The following MAPKAP1 variants were observed in gnomAD, a reference collection of about 807,000 sequenced individuals.
MAPKAP1 encodes MAPK associated protein 1.
A neutral mutation model predicts 65.7 loss-of-function variants in MAPKAP1; 20 were observed. The observed-to-expected ratio is 0.30, with a 90% confidence interval of 0.21 to 0.44. The LOEUF (loss-of-function observed/expected upper bound fraction) is 0.44. Among genes scored for constraint, MAPKAP1 ranks in the 20% least tolerant of loss-of-function variants. MAPKAP1 has a pLI of 1.00. For synonymous variants in MAPKAP1, 222 were observed against 244.3 expected, an observed-to-expected ratio of 0.91 and a Z score of 0.85; for missense variants, 423 against 648.0, an observed-to-expected ratio of 0.65 and a Z score of 3.77.
At chr9:125,671,337 T>A (rs1343665136) in intron 2 of MAPKAP1, among the ~76,000 whole-genome samples, 1 of 152,212 alleles carries the variant, frequency 6.6e-6, no homozygotes. Flanking sequence ...AAAACTTGAA[T>A]GTGCCTTTCA....
chr9:125,527,616 T>C (rs531505769), intron 7 of MAPKAP1, among the ~76,000 whole-genome samples: 1 of 152,292 alleles, frequency 6.6e-6, no homozygotes, highest in East Asian at 1.9e-4. Context: ...CTGTGCACTC[T>C]CTCTCTCTTT....
intron 9 of MAPKAP1, among the ~76,000 whole-genome samples, chr9:125,469,952 C>CCTT (rs950678386): frequency 6.6e-6 from 1 of 152,032 alleles, no homozygotes; most frequent in African/African-American, 2.4e-5. Flanking sequence ...TGTGTGTTCC[C>CCTT]CTTCTTCTTC....
intron 5 of MAPKAP1, among the ~76,000 whole-genome samples, chr9:125,563,295 CAG>C (rs2131513794): frequency 6.6e-6 from 1 of 152,332 alleles, no homozygotes; most frequent in African/African-American, 2.4e-5. Flanking sequence ...ACAATGGAAA[CAG>C]GGGCACTTCC....
intron 5 of MAPKAP1, among the ~76,000 whole-genome samples, chr9:125,562,970 A>G (rs1027320121): frequency 3.3e-5 from 5 of 152,174 alleles, no homozygotes; most frequent in African/African-American, 9.7e-5. Context: ...CCAATCACCT[A>G]TGGAAATATG....
intron 10 of MAPKAP1, among the ~76,000 whole-genome samples, chr9:125,458,266 T>G (rs967144409): frequency 7.0e-5 from 10 of 141,988 alleles, no homozygotes; most frequent in East Asian, 4.3e-4. Context: ...TCTCGCAGAG[T>G]GGGATTTGGC....
At chr9:125,545,355 G>A (rs1830393399) in intron 6 of MAPKAP1, among the ~76,000 whole-genome samples, 1 of 152,262 alleles carries the variant, frequency 6.6e-6, no homozygotes, top group Admixed American at 6.5e-5. Context: ...CGCTAGGCCA[G>A]TGTGTGTTTG....
chr9:125,661,279 C>T (rs1454328659), intron 3 of MAPKAP1, among the ~76,000 whole-genome samples: 3 of 152,086 alleles, frequency 2.0e-5, no homozygotes, highest in African/African-American at 7.2e-5. Flanking sequence ...TTCGGAAGAT[C>T]AAGGAAAATC....
intron 5 of MAPKAP1, among the ~76,000 whole-genome samples, chr9:125,561,311 T>C (rs754671692): frequency 6.6e-6 from 1 of 152,188 alleles, no homozygotes; most frequent in Non-Finnish European, 1.5e-5. Context: ...GGAGCCTACT[T>C]CAGGCGATCT....
At chr9:125,578,640 C>T (rs1831523827) in intron 5 of MAPKAP1, among the ~76,000 whole-genome samples, 1 of 152,092 alleles carries the variant, frequency 6.6e-6, no homozygotes, top group Non-Finnish European at 1.5e-5. Flanking sequence ...AAGACACAAT[C>T]ATAAACAGAA....
intron 1 of MAPKAP1, among the ~76,000 whole-genome samples, chr9:125,703,510 G>A (rs1461436361): frequency 6.6e-6 from 1 of 152,126 alleles, no homozygotes; most frequent in Non-Finnish European, 1.5e-5. Context: ...GGTGGCTCAC[G>A]CCTGTAATCC....
intron 7 of MAPKAP1, among the ~76,000 whole-genome samples, chr9:125,515,392 C>CTG (rs1829430966): frequency 6.6e-6 from 1 of 152,214 alleles, no homozygotes; most frequent in Non-Finnish European, 1.5e-5. Context: ...CTACAAAGTG[C>CTG]TGTTATCTTG....
Position 125,707,037 on chromosome 9 carries a change from TC to T in MAPKAP1, c.-137del. The stretch of plus-strand genomic sequence containing the variant: ...CACGTTCCTGAGGGGAGGGCCCGGC[TC>T]CCCCACGCCTCCCGGCCCCTGCCCC... On this transcript the variant is annotated 5_prime_UTR_variant, in exon 1 of 12. Transcript: ENST00000265960. 1 of 397,206 alleles carries T rather than the reference TC, an allele frequency of 2.5e-6. No homozygotes were observed. 24.6% of individuals were successfully genotyped at this position (397,206 alleles called of 1,614,324 possible).
intron 8 of MAPKAP1, among the ~76,000 whole-genome samples, chr9:125,495,464 C>T (rs1037426107): frequency 3.9e-5 from 6 of 152,144 alleles, no homozygotes; most frequent in South Asian, 2.1e-4. Flanking sequence ...ACCAGTGTAT[C>T]GCTTAATGAA....
intron 5 of MAPKAP1, among the ~76,000 whole-genome samples, chr9:125,573,480 T>C (rs1831301589): frequency 6.6e-6 from 1 of 152,124 alleles, no homozygotes; most frequent in Non-Finnish European, 1.5e-5. Flanking sequence ...CAGCAAGAAA[T>C]AACCATAAAA....
chr9:125,557,998 A>C (rs1830788483), intron 6 of MAPKAP1, among the ~76,000 whole-genome samples: 1 of 152,162 alleles, frequency 6.6e-6, no homozygotes, highest in African/African-American at 2.4e-5. Context: ...CTGGGATTAC[A>C]GGTGCCCACC....
intron 4 of MAPKAP1, among the ~76,000 whole-genome samples, chr9:125,591,814 C>T (rs753795175): frequency 2.6e-5 from 4 of 152,048 alleles, no homozygotes; most frequent in African/African-American, 4.8e-5. Context: ...TTTAAAAAAA[C>T]GGTGACCGAA....
intron 4 of MAPKAP1, among the ~76,000 whole-genome samples, chr9:125,629,772 A>G (rs1233621650): frequency 6.6e-6 from 1 of 152,146 alleles, no homozygotes; most frequent in African/African-American, 2.4e-5. Flanking sequence ...GACAATTTTA[A>G]CTGAAAAATA....
At chr9:125,519,915 C>T (rs996127110) in intron 7 of MAPKAP1, among the ~76,000 whole-genome samples, 1 of 152,062 alleles carries the variant, frequency 6.6e-6, no homozygotes, top group African/African-American at 2.4e-5. Context: ...GAGTCCATCC[C>T]TACAGCCTGT....
At chr9:125,477,317 T>C (rs907801522) in intron 9 of MAPKAP1, among the ~76,000 whole-genome samples, 2 of 152,162 alleles carry the variant, frequency 1.3e-5, no homozygotes, top group Admixed American at 6.5e-5. Flanking sequence ...TGAGTACAAG[T>C]GGTGCAAATA....
Sources: allele counts gnomAD v4.1 joint callset (sites outside exome capture counted in the v4.1 genomes callset), GRCh38; gene constraint gnomAD v4.1.1; transcripts MANE v1.5; gene names NCBI Gene and HGNC (gene_info 2026-07-23, HGNC 2026-07-21).